Variants in USP9X observed in about 807,000 individuals in gnomAD.
The protein encoded by USP9X is ubiquitin carboxyl-terminal hydrolase 9X.
USP9X carries 7 observed loss-of-function variants against 190.3 expected under a neutral mutation model. The observed-to-expected ratio is 0.04, with a 90% CI of 0.02 to 0.07. The LOEUF (loss-of-function observed/expected upper bound fraction) is 0.07, where lower values mean the gene tolerates loss of function less well. Ranked by LOEUF, USP9X falls within the 10% of genes least tolerant of loss-of-function variation. The probability of loss-of-function intolerance (pLI) is 1.00; values close to 1 mark genes in which losing one functional copy is unlikely to be tolerated. For missense variants in USP9X, 1,010 were observed against 1,916.9 expected (o/e 0.53, Z 8.83); for synonymous variants, 645 against 659.5 (o/e 0.98, Z 0.34).
At chrX:41,108,343 T>C (rs1458062585) in intron 1 of USP9X, among the ~76,000 whole-genome samples, 4 of 111,657 alleles carry the variant, frequency 3.6e-5, no homozygotes, top group Non-Finnish European at 7.5e-5. Flanking sequence ...GATTGGTCTG[T>C]TGATTTAAAT....
At chrX:41,219,680 A>G (rs1005322071) in intron 38 of USP9X, among the ~76,000 whole-genome samples, 2 of 111,893 alleles carry the variant, frequency 1.8e-5, no homozygotes, top group African/African-American at 3.2e-5. Flanking sequence ...GATAATATAA[A>G]TACTCGCTTA....
rs12687535 is a variant in USP9X, at chrX:41,153,361, A to C, written c.1897+280A>C. On this transcript the variant is annotated intron_variant, in intron 14 of 44. Transcript: ENST00000378308. ...ACCTTCTTAGGAATGTACTTGGCTC[A>C]TTTTCAACCTTTATGTCCTTTACCA... Among the ~76,000 whole-genome samples the C allele has an allele frequency of 0.19, 21,445 of 110,794 alleles. 1,585 individuals are homozygous for C. The highest frequency in any genetic ancestry group is 0.27 in the Admixed American group (2,761 of 10,409).
Position 41,203,609 on chromosome X carries a change from A to G in USP9X, c.4825-1694A>G, listed in dbSNP as rs903352335. On this transcript the variant is annotated intron_variant, in intron 31 of 44. Coordinates refer to ENST00000378308, the MANE Select transcript of USP9X (RefSeq NM_001039591.3). ...GGCTGCCATGAACATGGATATACAA[A>G]TAGCTGTTTGAGGTCCTGCTTTCAA... 2.7e-5 allele frequency among the ~76,000 whole-genome samples: 3 copies of G among 112,412 alleles called. No individual in the cohort carries two copies. In the East Asian group the frequency reaches 8.3e-4, roughly 31 times the overall value.
At chrX:41,141,966 GAGTA>G (rs772290851) in intron 9 of USP9X, among the ~76,000 whole-genome samples, 58 of 111,810 alleles carry the variant, frequency 5.2e-4, no homozygotes, top group African/African-American at 1.7e-3. Context: ...GTTTTGAAAT[GAGTA>G]AGTATGCCAT....
chrX:41,142,205 G>A (rs1291393519), intron 9 of USP9X, among the ~76,000 whole-genome samples: 2 of 111,765 alleles, frequency 1.8e-5, no homozygotes, highest in Non-Finnish European at 3.8e-5. Flanking sequence ...CTGCCTCATG[G>A]AAAGTCCAGC....
At chrX:41,122,544 A>C (rs1228150467) in intron 1 of USP9X, among the ~76,000 whole-genome samples, 1 of 111,895 alleles carries the variant, frequency 8.9e-6, no homozygotes, top group Non-Finnish European at 1.9e-5. Flanking sequence ...ACAGGTGAGC[A>C]GGTACAGGAG....
At chrX:41,229,132 C>A in intron 41 of USP9X, 121 bp from the exon 42 acceptor site, 1 of 476,916 alleles carries the variant, frequency 2.1e-6, no homozygotes, top group Non-Finnish European at 3.3e-6. Context: ...ATAATAGTAC[C>A]TATTGTCTAA....
intron 1 of USP9X, among the ~76,000 whole-genome samples, chrX:41,107,025 T>C (rs1253068632): frequency 2.8e-5 from 3 of 108,665 alleles, no homozygotes; most frequent in African/African-American, 1.0e-4. Flanking sequence ...CAGCTGAGAT[T>C]ACAGGCGCCC....
At chrX:41,171,443 G>A (rs769509646) in intron 20 of USP9X, among the ~76,000 whole-genome samples, 2 of 111,891 alleles carry the variant, frequency 1.8e-5, no homozygotes, top group Non-Finnish European at 3.8e-5. Flanking sequence ...CTCTCCTTTC[G>A]CCCCTCCCGA....
chrX:41,198,389 A>T, intron 29 of USP9X, 139 bp from the exon 30 acceptor site: 1 of 317,567 alleles, frequency 3.1e-6, no homozygotes, highest in Non-Finnish European at 5.1e-6. Flanking sequence ...TCTTTTTATT[A>T]GAAAATCTGA....
rs906188018 is a variant in USP9X, at chrX:41,116,862, C to G, written c.-158-6609C>G. Among the ~76,000 whole-genome samples, 6 of 111,514 alleles carry G rather than the reference C, an allele frequency of 5.4e-5. No individual in the cohort carries two copies. The East Asian group carries it at 1.7e-3, about 31-fold the overall frequency. On this transcript the variant is annotated intron_variant, in intron 1 of 44. Transcript: ENST00000378308. ...GTTGTTACTTTCTTTTTAAGATAGGCAGATTGTAAGTGACAGAAGTTGGAT... is the reference window on the plus strand; with the variant it reads ...GTTGTTACTTTCTTTTTAAGATAGGGAGATTGTAAGTGACAGAAGTTGGAT...
At chrX:41,197,135 G>A (rs1409035011) in intron 28 of USP9X, among the ~76,000 whole-genome samples, 2 of 112,104 alleles carry the variant, frequency 1.8e-5, no homozygotes, top group Admixed American at 9.5e-5. Context: ...TTTCTGAAGA[G>A]ATTTGTAGTT....
intron 2 of USP9X, among the ~76,000 whole-genome samples, chrX:41,127,088 T>A (rs1459198807): frequency 9.0e-6 from 1 of 111,418 alleles, no homozygotes; most frequent in Non-Finnish European, 1.9e-5. Context: ...AGAAATTGTT[T>A]ATACTGTTCT....
At chrX:41,143,826 ATTAT>A (rs1359912379) in intron 10 of USP9X, among the ~76,000 whole-genome samples, 114 of 112,078 alleles carry the variant, frequency 1.0e-3, no homozygotes, top group African/African-American at 3.6e-3. Context: ...ACCTGTAATA[ATTAT>A]TCCAGAGAAT....
At chrX:41,168,831 A>G (rs17145965) in intron 18 of USP9X, among the ~76,000 whole-genome samples, 4,010 of 112,361 alleles carry the variant, frequency 0.036, 168 homozygotes, top group African/African-American at 0.12. Context: ...TGCATGGCAT[A>G]TAACAAATAT....
chrX:41,199,194 G>A (rs1026338371), intron 30 of USP9X, among the ~76,000 whole-genome samples: 1 of 108,378 alleles, frequency 9.2e-6, no homozygotes, highest in African/African-American at 3.4e-5. Flanking sequence ...AGAAAAAAAA[G>A]AAAAGAAAAG....
intron 21 of USP9X, among the ~76,000 whole-genome samples, chrX:41,172,782 G>A (rs2062738541): frequency 9.0e-6 from 1 of 111,433 alleles, no homozygotes; most frequent in South Asian, 3.7e-4. Context: ...AAACTATCAC[G>A]TTTGATTAAT....
At chrX:41,209,857 TTCTC>T (rs1309113371) in intron 32 of USP9X, among the ~76,000 whole-genome samples, 6 of 112,120 alleles carry the variant, frequency 5.4e-5, no homozygotes, top group Non-Finnish European at 7.5e-5. Context: ...TACACTTAAA[TTCTC>T]TATATACATT....
chrX:41,164,036 C>T (rs1356006079), intron 15 of USP9X, among the ~76,000 whole-genome samples: 1 of 110,978 alleles, frequency 9.0e-6, no homozygotes, highest in East Asian at 2.8e-4. Context: ...CCACGCCCAG[C>T]TAATTTTTGT....
Sources: gnomAD v4.1 joint callset for allele counts (sites outside exome capture counted in the v4.1 genomes callset) on GRCh38, gnomAD v4.1.1 for gene constraint, MANE v1.5 for transcripts, NCBI Gene and HGNC (gene_info 2026-07-23, HGNC 2026-07-21) for gene names.